KLF8: variants seen among roughly 807,000 people sequenced by gnomAD.
KLF8 encodes the protein Krueppel-like factor 8.
Under a neutral mutation model 18.2 loss-of-function variants are expected in KLF8, and 10 were observed. The observed-to-expected ratio is 0.55, with a 90% CI of 0.34 to 0.93. The LOEUF (loss-of-function observed/expected upper bound fraction) is 0.93. Ranked by LOEUF, KLF8 falls within the 40% of genes least tolerant of loss-of-function variation. The probability of loss-of-function intolerance (pLI) is 0.02; values close to 1 mark genes in which losing one functional copy is unlikely to be tolerated. For synonymous variants in KLF8, 109 were observed against 97.3 expected (o/e 1.12, Z -0.71); for missense variants, 264 against 277.9 (o/e 0.95, Z 0.36).
the KLF8 span, among the ~76,000 whole-genome samples, chrX:56,017,194 C>A: frequency 8.9e-6 from 1 of 112,164 alleles, no homozygotes; most frequent in Non-Finnish European, 1.9e-5. Context: ...TTCCCTGTAA[C>A]GCAGAAGCTG....
chrX:55,957,715 AT>A, the KLF8 span, among the ~76,000 whole-genome samples: 5 of 111,085 alleles, frequency 4.5e-5, no homozygotes, highest in African/African-American at 1.6e-4. Context: ...TTGCTTGGTG[AT>A]TTTTTTAAAG....
chrX:55,953,878 G>C, the KLF8 span, among the ~76,000 whole-genome samples: 1 of 109,569 alleles, frequency 9.1e-6, no homozygotes, highest in Non-Finnish European at 1.9e-5. Flanking sequence ...ATTTGGGTTA[G>C]ACAATGCCTT....
chrX:56,163,938 T>C, the KLF8 span, among the ~76,000 whole-genome samples: 4 of 111,508 alleles, frequency 3.6e-5, no homozygotes, highest in Non-Finnish European at 7.5e-5. Flanking sequence ...GGGTACTCTA[T>C]TCTGTTCCAC....
the KLF8 span, among the ~76,000 whole-genome samples, chrX:56,109,998 A>C: frequency 4.6e-5 from 5 of 109,186 alleles, no homozygotes. Flanking sequence ...ATGTGTTCTC[A>C]TTGTTCAGCT....
rs2067264353 is a variant in KLF8 at position 56,286,017 on chromosome X, G to A, written c.*1523G>A. The A allele has an allele frequency of 9.0e-6, 1 of 111,100 alleles. No individual in the cohort carries two copies. Among genetic ancestry groups the A allele is most frequent in the Non-Finnish European group, 1.9e-5 (1 of 53,013 alleles). The allele number at this position is 111,100 out of a possible 1,213,427, so 9.2% of individuals were successfully genotyped here. A position where few individuals can be genotyped will look rare whatever the true frequency, so the allele number is the denominator to read the frequency against. ...ATTGTAGAATTCTAGCACCAAGAAG[G>A]GATCCCGTTAACCATCTAGTCCTAT... On this transcript the variant is annotated 3_prime_UTR_variant, in exon 6 of 6. Coordinates refer to ENST00000468660, the MANE Select transcript of KLF8 (RefSeq NM_007250.5).
At chrX:56,230,558 G>T (rs2066392680), upstream of KLF8, among the ~76,000 whole-genome samples, 1 of 110,792 alleles carries the variant, frequency 9.0e-6, no homozygotes, top group South Asian at 3.9e-4. Flanking sequence ...CCTACTACAG[G>T]GACATTCTTT....
the KLF8 span, among the ~76,000 whole-genome samples, chrX:56,077,978 T>C: frequency 8.9e-6 from 1 of 112,237 alleles, no homozygotes; most frequent in Admixed American, 9.5e-5. Flanking sequence ...TTGTGATTTT[T>C]CTACATTGCT....
the KLF8 span, among the ~76,000 whole-genome samples, chrX:56,054,927 T>A: frequency 8.9e-6 from 1 of 112,072 alleles, no homozygotes; most frequent in Non-Finnish European, 1.9e-5. Flanking sequence ...TTTTTCCATT[T>A]TCTTGGTAGA....
chrX:56,242,878 GT>G, intron 1 of KLF8: 1 of 366,476 alleles, frequency 2.7e-6, no homozygotes. Flanking sequence ...TGGTTTGTTT[GT>G]TTTTTCTTTC....
At chrX:56,038,202 CA>C in the KLF8 span, among the ~76,000 whole-genome samples, 1 of 111,618 alleles carries the variant, frequency 9.0e-6, no homozygotes, top group Non-Finnish European at 1.9e-5. Context: ...GTATATTTAC[CA>C]AATTTTCTTT....
At chrX:56,270,420 G>T in intron 5 of KLF8, 99 bp downstream of exon 5, 7 of 947,366 alleles carry the variant, frequency 7.4e-6, no homozygotes, top group Non-Finnish European at 9.6e-6. Flanking sequence ...GAGAGAGAGA[G>T]AGGGGCAGAG....
chrX:56,020,331 C>T, the KLF8 span, among the ~76,000 whole-genome samples: 1 of 111,908 alleles, frequency 8.9e-6, no homozygotes, highest in Non-Finnish European at 1.9e-5. Flanking sequence ...CCTGCTACAG[C>T]AGCGTGGAGC....
At chrX:56,139,026 C>A in the KLF8 span, among the ~76,000 whole-genome samples, 1 of 110,961 alleles carries the variant, frequency 9.0e-6, no homozygotes, top group Non-Finnish European at 1.9e-5. Context: ...AACACCCAAG[C>A]TGAGAGCCAA....
rs139109584 is a variant in KLF8 at position 56,254,737 on chromosome X, G to C, written c.81+4433G>C. Reference sequence around the variant, plus strand: ...CTCTCCAAAGCTATGCCATCAAGCTGTCCCTCTGAAGTCAAGCCACTTCTC... The same window carrying C: ...CTCTCCAAAGCTATGCCATCAAGCTCTCCCTCTGAAGTCAAGCCACTTCTC... On this transcript the variant is annotated intron_variant, in intron 2 of 5. Coordinates refer to ENST00000468660, the MANE Select transcript of KLF8 (RefSeq NM_007250.5). Among the ~76,000 whole-genome samples the C allele has an allele frequency of 4.2e-3, 466 of 111,293 alleles. 2 individuals are homozygous for C. The highest frequency in any genetic ancestry group is 0.015 in the African/African-American group (455 of 30,608).
the KLF8 span, among the ~76,000 whole-genome samples, chrX:56,064,681 C>T: frequency 2.5e-4 from 28 of 110,785 alleles, no homozygotes; most frequent in Non-Finnish European, 4.2e-4. Context: ...TTTGTGTTTC[C>T]TCTACCAGTG....
chrX:56,203,950 G>A, the KLF8 span, among the ~76,000 whole-genome samples: 1 of 110,922 alleles, frequency 9.0e-6, no homozygotes. Flanking sequence ...GTTTTTTCTA[G>A]TTCTGTGGGG....
chrX:55,934,554 A>T, the KLF8 span, among the ~76,000 whole-genome samples: 73 of 112,309 alleles, frequency 6.5e-4, no homozygotes, highest in African/African-American at 2.3e-3. Context: ...TCCATTGAAT[A>T]GTAGCATTCA....
chrX:56,210,091 A>G, the KLF8 span, among the ~76,000 whole-genome samples: 2 of 111,814 alleles, frequency 1.8e-5, no homozygotes, highest in African/African-American at 6.5e-5. Context: ...CCACACTTAC[A>G]GTGTTATAAT....
rs191410136 is a variant in KLF8, at chrX:56,285,638, A to G, written c.*1144A>G. The stretch of plus-strand genomic sequence containing the variant: ...TTCAAATGAAACATAGATGCTTTTC[A>G]TGAAAACTGACCTACAAAAAGCAAT... On this transcript the variant is annotated 3_prime_UTR_variant, in exon 6 of 6. Transcript: ENST00000468660. The G allele has an allele frequency of 1.4e-4, 16 of 112,131 alleles. No individual in the cohort carries two copies. The East Asian group carries it at 4.2e-3, about 30-fold the overall frequency. 9.2% of individuals were successfully genotyped at this position (112,131 alleles called of 1,213,427 possible). A position where few individuals can be genotyped will look rare whatever the true frequency, so the allele number is the denominator to read the frequency against.
Sources: gnomAD v4.1 joint callset for allele counts (sites outside exome capture counted in the v4.1 genomes callset) on GRCh38, gnomAD v4.1.1 for gene constraint, MANE v1.5 for transcripts, NCBI Gene and HGNC (gene_info 2026-07-23, HGNC 2026-07-21) for gene names.